Variants in ADCY9 observed in about 807,000 individuals in gnomAD.
ADCY9 encodes adenylate cyclase type 9.
Under a neutral mutation model 101.5 loss-of-function variants are expected in ADCY9, and 50 were observed. The observed-to-expected ratio is 0.49, with a 90% CI of 0.39 to 0.62. ADCY9 has a LOEUF of 0.62. Ranked by LOEUF, ADCY9 falls within the 20% of genes least tolerant of loss-of-function variation. The pLI is 0.00. For missense variants in ADCY9, 1,662 were observed against 1,800.4 expected (o/e 0.92, Z 1.39); for synonymous variants, 905 against 769.3 (o/e 1.18, Z -2.92).
intron 2 of ADCY9, among the ~76,000 whole-genome samples, chr16:4,039,449 C>A (rs2056612110): frequency 6.6e-6 from 1 of 151,864 alleles, no homozygotes; most frequent in African/African-American, 2.4e-5. Context: ...GAGGCTGAGG[C>A]AGGCAGATGT....
chr16:4,089,096 T>C (rs1224377891), intron 2 of ADCY9, among the ~76,000 whole-genome samples: 2 of 138,744 alleles, frequency 1.4e-5, no homozygotes, highest in Non-Finnish European at 3.1e-5. Context: ...TGGGTTTTTG[T>C]TTTGTTTTGT....
chr16:4,094,690 T>C (rs1346978255), intron 2 of ADCY9, among the ~76,000 whole-genome samples: 2 of 150,816 alleles, frequency 1.3e-5, no homozygotes, highest in African/African-American at 4.9e-5. Flanking sequence ...GAAAATAAAA[T>C]TGAGGAGATT....
chr16:4,098,138 C>T (rs758329958), intron 2 of ADCY9, among the ~76,000 whole-genome samples: 23 of 152,010 alleles, frequency 1.5e-4, no homozygotes, highest in African/African-American at 5.6e-4. Context: ...TGTTCCACAG[C>T]GGTCCTGAGG....
intron 2 of ADCY9, among the ~76,000 whole-genome samples, chr16:4,018,299 T>TG (rs2056451819): frequency 6.6e-6 from 1 of 151,300 alleles, no homozygotes; most frequent in Admixed American, 6.6e-5. Flanking sequence ...CTGCAACCTC[T>TG]GCCTCCCGGG....
chr16:3,987,516 C>A (rs1364844730), intron 6 of ADCY9, among the ~76,000 whole-genome samples: 1 of 152,212 alleles, frequency 6.6e-6, no homozygotes, highest in Non-Finnish European at 1.5e-5. Flanking sequence ...TAATCATCAG[C>A]TTCCCTACAG....
At chr16:4,042,952 C>T (rs772051875) in intron 2 of ADCY9, among the ~76,000 whole-genome samples, 1 of 152,226 alleles carries the variant, frequency 6.6e-6, no homozygotes, top group Admixed American at 6.5e-5. Context: ...TAAAACTCGG[C>T]CGGGCGCAGT....
intron 2 of ADCY9, among the ~76,000 whole-genome samples, chr16:4,082,274 G>A (rs974474134): frequency 2.0e-5 from 3 of 152,048 alleles, no homozygotes; most frequent in African/African-American, 7.2e-5. Flanking sequence ...AGATACTCAA[G>A]AGGCTGAGGC....
chr16:3,959,732 T>G (rs543232776), downstream of ADCY9, among the ~76,000 whole-genome samples: 1 of 152,320 alleles, frequency 6.6e-6, no homozygotes, highest in African/African-American at 2.4e-5. Flanking sequence ...TGATTAAAAA[T>G]GCATGTATCA....
At chr16:4,090,305 T>C (rs1263977443) in intron 2 of ADCY9, among the ~76,000 whole-genome samples, 3 of 152,148 alleles carry the variant, frequency 2.0e-5, no homozygotes, top group Non-Finnish European at 4.4e-5. Flanking sequence ...AACAGATTTT[T>C]TTTCTACTTA....
chr16:4,099,623 G>T (rs1268378426), intron 2 of ADCY9, among the ~76,000 whole-genome samples: 1 of 152,116 alleles, frequency 6.6e-6, no homozygotes, highest in African/African-American at 2.4e-5. Flanking sequence ...AACTTAAAGG[G>T]GCTCCCATGG....
rs577849047 is a variant in ADCY9 at position 4,076,805 on chromosome 16, G to A, written c.1693+36945C>T. On this transcript the variant is annotated intron_variant, in intron 2 of 10. Transcript: ENST00000294016. The stretch of plus-strand genomic sequence containing the variant: ...AAGAATCAGCCTCCTGGCTGGGGGC[G>A]GTGGCTCACGCCTGTAATCCCAGCA... Among the ~76,000 whole-genome samples, 185 of 152,222 alleles carry A rather than the reference G, an allele frequency of 1.2e-3. 2 individuals carry two copies. Among genetic ancestry groups the A allele is most frequent in the Middle Eastern group, 3.4e-3 (1 of 294 alleles).
intron 2 of ADCY9, among the ~76,000 whole-genome samples, chr16:4,044,281 A>G (rs976751053): frequency 2.0e-5 from 3 of 152,110 alleles, no homozygotes; most frequent in Non-Finnish European, 4.4e-5. Context: ...CAGGAGGCGG[A>G]GGTTGCAGTG....
intron 2 of ADCY9, among the ~76,000 whole-genome samples, chr16:4,018,371 C>T (rs2056452452): frequency 6.6e-6 from 1 of 152,072 alleles, no homozygotes; most frequent in Non-Finnish European, 1.5e-5. Context: ...TGCCACCATG[C>T]CCGGCTAATT....
intron 2 of ADCY9, among the ~76,000 whole-genome samples, chr16:4,067,910 T>C (rs555989720): frequency 1.3e-5 from 2 of 152,322 alleles, no homozygotes; most frequent in African/African-American, 4.8e-5. Context: ...TGTTGCACTT[T>C]TGGTGAAAAA....
At position 3,977,610 on chromosome 16, in the gene ADCY9, C is replaced by T. The variant is rs749507415; in HGVS notation, c.2700G>A (p.Ser900=). Residue 900 remains serine, a synonymous_variant, in exon 9 of 11, where the codon TCG becomes TCA. Coordinates refer to ENST00000294016, the MANE Select transcript of ADCY9 (RefSeq NM_001116.4). ...AGTGCACGACGGCAATCAGCGCGGC[C>T]GAGCCTGTGAACACTGGGAACTGCA... is the stretch of plus-strand genomic sequence containing the variant. ...TNIHFPVFTG[S]AALIAVVHYC... The T allele has an allele frequency of 2.4e-5, 39 of 1,612,220 alleles. No homozygotes were observed. Among genetic ancestry groups the T allele is most frequent in the Middle Eastern group, 1.7e-4 (1 of 6,054 alleles).
At chr16:3,959,405 T>C (rs947095753), downstream of ADCY9, among the ~76,000 whole-genome samples, 3 of 151,410 alleles carry the variant, frequency 2.0e-5, no homozygotes, top group Non-Finnish European at 4.4e-5. Flanking sequence ...ATTCCTCATA[T>C]CTGGAAAGTC....
At chr16:4,097,923 C>A (rs754667076) in intron 2 of ADCY9, among the ~76,000 whole-genome samples, 4 of 152,044 alleles carry the variant, frequency 2.6e-5, no homozygotes, top group Admixed American at 1.3e-4. Context: ...ATATTCCCAG[C>A]GCTAGGAACA....
downstream of ADCY9, among the ~76,000 whole-genome samples, chr16:3,958,500 A>ATT (rs1222074684): frequency 6.9e-6 from 1 of 144,108 alleles, no homozygotes; most frequent in Non-Finnish European, 1.5e-5. Context: ...AGATCGCGCC[A>ATT]TTGCACTTCC....
intron 2 of ADCY9, among the ~76,000 whole-genome samples, chr16:4,026,984 C>T (rs907561266): frequency 2.0e-5 from 3 of 152,182 alleles, no homozygotes; most frequent in Non-Finnish European, 4.4e-5. Context: ...TGATTGGTTC[C>T]CTCCCGCAAC....
Sources: gnomAD v4.1 joint callset for allele counts (sites outside exome capture counted in the v4.1 genomes callset) on GRCh38, gnomAD v4.1.1 for gene constraint, MANE v1.5 for transcripts, NCBI Gene and HGNC (gene_info 2026-07-23, HGNC 2026-07-21) for gene names.